SH3RF3: variants seen among roughly 807,000 people sequenced by gnomAD.
SH3RF3 encodes the protein SH3 domain containing ring finger 3, also known as E3 ubiquitin-protein ligase SH3RF3.
SH3RF3 carries 29 observed loss-of-function variants against 66.3 expected under a neutral mutation model. That is an observed-to-expected ratio of 0.44 (90% confidence interval 0.33 to 0.60). The LOEUF is 0.60. SH3RF3 is among the 20% of genes least tolerant of loss of function. The pLI, the probability that SH3RF3 is intolerant of heterozygous loss-of-function variation, is 0.04. For synonymous variants in SH3RF3, 583 were observed against 532.0 expected, an observed-to-expected ratio of 1.10 and a Z score of -1.32; for missense variants, 1,194 against 1,190.9, an observed-to-expected ratio of 1.00 and a Z score of -0.04.
Position 109,272,626 on chromosome 2 carries a change from T to C in SH3RF3, c.574-75048T>C, listed in dbSNP as rs1453625397. 2.0e-5 allele frequency among the ~76,000 whole-genome samples: 3 copies of C among 152,220 alleles called. No individual in the cohort carries two copies. In the East Asian group the frequency reaches 5.8e-4, roughly 29 times the overall value. Reference sequence around the variant, plus strand: ...CTGCAGGCGAGTGGTGAGCACATGCTTCCGCACAGACACAGCTGCCAACGG... The same window carrying C: ...CTGCAGGCGAGTGGTGAGCACATGCCTCCGCACAGACACAGCTGCCAACGG... On this transcript the variant is annotated intron_variant, in intron 1 of 9. Transcript: ENST00000309415.
chr2:109,432,576 C>T lies in SH3RF3; in HGVS notation c.1479C>T (p.Val493=). 6.2e-7 allele frequency: 1 copy of T among 1,613,576 alleles called. No homozygotes were observed. The highest frequency in any genetic ancestry group is 8.5e-7 in the Non-Finnish European group (1 of 1,179,758). ...LELHKGEMYR[V]LEKCQDGWFK... ...TGCACAAGGGAGAGATGTACCGGGT[C>T]CTCGAGAAGTGTCAGGATGGCTGGT... The change falls in exon 6 of 10, where the codon GTC becomes GTT. Residue 493 remains valine (V), a synonymous_variant. Coordinates refer to ENST00000309415, the MANE Select transcript of SH3RF3 (RefSeq NM_001099289.3).
At chr2:109,276,450 C>A (rs1361851170) in intron 1 of SH3RF3, among the ~76,000 whole-genome samples, 1 of 152,050 alleles carries the variant, frequency 6.6e-6, no homozygotes, top group African/African-American at 2.4e-5. Flanking sequence ...CCTCCGGGAC[C>A]CAGGGAGGGC....
At chr2:109,466,795 A>ATCTATATGTGTGTATG (rs960535454) in intron 8 of SH3RF3, among the ~76,000 whole-genome samples, 4,570 of 151,794 alleles carry the variant, frequency 0.03, 97 homozygotes, top group African/African-American at 0.053. Context: ...GCATGTGTGT[A>ATCTATATGTGTGTATG]TCTATATGTG....
chr2:109,461,724 C>T (rs558329881), intron 8 of SH3RF3, among the ~76,000 whole-genome samples: 13 of 152,338 alleles, frequency 8.5e-5, no homozygotes, highest in African/African-American at 3.1e-4. Flanking sequence ...CTGTCTGCCA[C>T]AATAGTGCCT....
intron 1 of SH3RF3, among the ~76,000 whole-genome samples, chr2:109,210,040 C>A (rs559426508): frequency 6.6e-6 from 1 of 152,160 alleles, no homozygotes; most frequent in African/African-American, 2.4e-5. Flanking sequence ...TTCTAGGGAC[C>A]GCAGAGTCAA....
chr2:109,256,649 T>C (rs961046235), intron 1 of SH3RF3, among the ~76,000 whole-genome samples: 7 of 152,220 alleles, frequency 4.6e-5, no homozygotes, highest in Non-Finnish European at 7.3e-5. Flanking sequence ...TATTACTTTT[T>C]CCCTAGTCTT....
At chr2:109,163,390 CTTTTTTTTTTT>C (rs70956302) in intron 1 of SH3RF3, among the ~76,000 whole-genome samples, 2 of 70,268 alleles carry the variant, frequency 2.8e-5, no homozygotes, top group South Asian at 6.8e-4. Context: ...AGCAAATATT[CTTTTTTTTTTT>C]TTTTTTTTTT....
intron 5 of SH3RF3, among the ~76,000 whole-genome samples, chr2:109,423,473 A>G (rs1202931837): frequency 6.6e-6 from 1 of 152,200 alleles, no homozygotes; most frequent in African/African-American, 2.4e-5. Flanking sequence ...CAGGAAAAGG[A>G]CTGCTGACCA....
In SH3RF3 at chr2:109,384,343, G is replaced by A. The variant is rs1675768652; in HGVS notation, c.945+12662G>A. 1.3e-5 allele frequency among the ~76,000 whole-genome samples: 2 copies of A among 152,194 alleles called. 1 individual carries two copies. The highest frequency in any genetic ancestry group is 4.1e-4 in the South Asian group (2 of 4,828). ...AAAGTAACACCAGGAGAGGAGGAAGGACCTGGGAGGAGGGAACTGCAGTTT... is the reference window on the plus strand; with the variant it reads ...AAAGTAACACCAGGAGAGGAGGAAGAACCTGGGAGGAGGGAACTGCAGTTT... On this transcript the variant is annotated intron_variant, in intron 3 of 9. Coordinates refer to ENST00000309415, the MANE Select transcript of SH3RF3 (RefSeq NM_001099289.3).
At chr2:109,427,033 A>T (rs1238959226) in intron 5 of SH3RF3, among the ~76,000 whole-genome samples, 1 of 152,000 alleles carries the variant, frequency 6.6e-6, no homozygotes, top group South Asian at 2.1e-4. Flanking sequence ...CAGTGGCATG[A>T]TCTCAGCTCA....
At chr2:109,187,994 G>A (rs558927976) in intron 1 of SH3RF3, among the ~76,000 whole-genome samples, 3 of 152,330 alleles carry the variant, frequency 2.0e-5, no homozygotes, top group Non-Finnish European at 2.9e-5. Flanking sequence ...GGGGCACAGC[G>A]GGGGTTGCCT....
intron 1 of SH3RF3, among the ~76,000 whole-genome samples, chr2:109,186,648 C>A (rs7586159): frequency 3.3e-5 from 5 of 152,068 alleles, no homozygotes; most frequent in African/African-American, 1.2e-4. Context: ...GGGATGGAGC[C>A]CCCTAGGAAG....
At chr2:109,240,420 G>A (rs1679750198) in intron 1 of SH3RF3, among the ~76,000 whole-genome samples, 1 of 152,028 alleles carries the variant, frequency 6.6e-6, no homozygotes, top group Non-Finnish European at 1.5e-5. Context: ...CCTGGGAGGC[G>A]GAGCTTGCAG....
chr2:109,291,060 A>G (rs751422897), intron 1 of SH3RF3, among the ~76,000 whole-genome samples: 1 of 152,172 alleles, frequency 6.6e-6, no homozygotes, highest in Non-Finnish European at 1.5e-5. Flanking sequence ...TGCTTAACAC[A>G]ACAAATAATC....
intron 8 of SH3RF3, among the ~76,000 whole-genome samples, chr2:109,485,211 T>C (rs1049827514): frequency 8.0e-5 from 12 of 150,752 alleles, no homozygotes; most frequent in Non-Finnish European, 1.2e-4. Context: ...CAAAGAGAAT[T>C]AAGACGGGAA....
intron 1 of SH3RF3, among the ~76,000 whole-genome samples, chr2:109,173,514 A>C (rs1458114719): frequency 6.6e-6 from 1 of 152,188 alleles, no homozygotes; most frequent in Non-Finnish European, 1.5e-5. Flanking sequence ...CACTGCCTGC[A>C]GGCTATGTAT....
chr2:109,193,080 G>A (rs552428470), intron 1 of SH3RF3, among the ~76,000 whole-genome samples: 1 of 152,334 alleles, frequency 6.6e-6, no homozygotes, highest in South Asian at 2.1e-4. Context: ...TCAAAGGTGA[G>A]TAAATAGAAG....
At position 109,449,362 on chromosome 2, in the gene SH3RF3, C is replaced by T. The variant is rs746855798; in HGVS notation, c.2021C>T (p.Ala674Val). 4 of 1,609,002 alleles carry T rather than the reference C, an allele frequency of 2.5e-6. No homozygotes were observed. Among genetic ancestry groups the T allele is most frequent in the African/African-American group, 1.3e-5 (1 of 74,870 alleles). The part of the protein sequence containing the change: ...PAIPLTSAAS[A>V]ITPPNVSAAN... ...ATCCCCCTCACATCAGCAGCATCAG[C>T]CATCACACCTCCCAACGTCAGTGCC... The change falls in exon 8 of 10, where the codon GCC becomes GTC. Residue 674 changes from alanine (A) to valine (V), a missense_variant. By Grantham distance (64) the Ala-to-Val change is moderately conservative. Transcript: ENST00000309415.
chr2:109,153,085 G>A lies in SH3RF3; in HGVS notation c.573+22972G>A, dbSNP rs76438447. 2.0e-5 allele frequency among the ~76,000 whole-genome samples: 3 copies of A among 152,320 alleles called. No individual in the cohort carries two copies. The East Asian group carries it at 5.8e-4, about 29-fold the overall frequency. The stretch of plus-strand genomic sequence containing the variant: ...TCTGCAAAGACAAGACAGTCACTGT[G>A]AAGCTTTTGTCAGAAAACCCATTCC... On this transcript the variant is annotated intron_variant, in intron 1 of 9. Transcript: ENST00000309415.
Sources: gnomAD v4.1 joint callset for allele counts (sites outside exome capture counted in the v4.1 genomes callset) on GRCh38, gnomAD v4.1.1 for gene constraint, MANE v1.5 for transcripts, NCBI Gene and HGNC (gene_info 2026-07-23, HGNC 2026-07-21) for gene names.